ZSWIM5: variants seen among roughly 807,000 people sequenced by gnomAD.
ZSWIM5 encodes zinc finger SWIM domain-containing protein 5.
A neutral mutation model predicts 119.6 loss-of-function variants in ZSWIM5; 55 were observed. The observed-to-expected ratio is 0.46, with a 90% CI of 0.37 to 0.58. The LOEUF is 0.58. ZSWIM5 is among the 20% of genes least tolerant of loss of function. The probability of loss-of-function intolerance (pLI) is 0.00; values close to 1 mark genes in which losing one functional copy is unlikely to be tolerated. For missense variants in ZSWIM5, 1,193 were observed against 1,512.8 expected, an observed-to-expected ratio of 0.79 and a Z score of 3.51; for synonymous variants, 537 against 606.9, an observed-to-expected ratio of 0.88 and a Z score of 1.69.
chr1:45,109,907 C>G (rs909730408), intron 1 of ZSWIM5, among the ~76,000 whole-genome samples: 4 of 152,088 alleles, frequency 2.6e-5, no homozygotes, highest in Non-Finnish European at 4.4e-5. Flanking sequence ...CTGTGTTACA[C>G]AGGCTAGAGT....
intron 1 of ZSWIM5, among the ~76,000 whole-genome samples, chr1:45,198,931 C>G (rs1174530818): frequency 6.6e-6 from 1 of 152,138 alleles, no homozygotes; most frequent in Non-Finnish European, 1.5e-5. Flanking sequence ...CTTTTGAAAT[C>G]CCCTTATACA....
chr1:45,073,742 T>C (rs1645238793), intron 2 of ZSWIM5, among the ~76,000 whole-genome samples: 1 of 151,936 alleles, frequency 6.6e-6, no homozygotes, highest in African/African-American at 2.4e-5. Context: ...CTTCTTTGCT[T>C]GCTCTAGCTA....
At chr1:45,025,609 C>T (rs1245325635) in intron 11 of ZSWIM5, among the ~76,000 whole-genome samples, 1 of 151,984 alleles carries the variant, frequency 6.6e-6, no homozygotes, top group Non-Finnish European at 1.5e-5. Context: ...ATTTCAAATT[C>T]CAATTGTTCT....
intron 1 of ZSWIM5, among the ~76,000 whole-genome samples, chr1:45,123,831 A>G (rs1645606551): frequency 6.6e-6 from 1 of 152,212 alleles, no homozygotes; most frequent in Non-Finnish European, 1.5e-5. Flanking sequence ...TCTGAAAACT[A>G]AAGACAAGAA....
At chr1:45,159,820 C>G (rs1216882244) in intron 1 of ZSWIM5, among the ~76,000 whole-genome samples, 1 of 152,184 alleles carries the variant, frequency 6.6e-6, no homozygotes, top group Admixed American at 6.5e-5. Context: ...AACTCCTGAC[C>G]TCAAGTGATC....
At chr1:45,153,518 A>G (rs1342085462) in intron 1 of ZSWIM5, among the ~76,000 whole-genome samples, 1 of 151,638 alleles carries the variant, frequency 6.6e-6, no homozygotes, top group Non-Finnish European at 1.5e-5. Context: ...AAAAAAAAAA[A>G]AGAATTAAAA....
chr1:45,042,490 A>C (rs1329306994), intron 6 of ZSWIM5, among the ~76,000 whole-genome samples: 1 of 152,240 alleles, frequency 6.6e-6, no homozygotes, highest in Non-Finnish European at 1.5e-5. Context: ...TGCTTTCAAG[A>C]GAGAGAGGGG....
At chr1:45,038,213 A>C (rs1644996932) in intron 8 of ZSWIM5, among the ~76,000 whole-genome samples, 1 of 152,206 alleles carries the variant, frequency 6.6e-6, no homozygotes, top group Admixed American at 6.5e-5. Context: ...AATTGGTACA[A>C]AACCATCATG....
intron 1 of ZSWIM5, among the ~76,000 whole-genome samples, chr1:45,165,009 A>G (rs1645891666): frequency 6.6e-6 from 1 of 152,154 alleles, no homozygotes; most frequent in Admixed American, 6.6e-5. Flanking sequence ...TCAACAGAAT[A>G]TACATTCTTC....
At chr1:45,094,116 C>T (rs1052823612) in intron 1 of ZSWIM5, among the ~76,000 whole-genome samples, 19 of 150,930 alleles carry the variant, frequency 1.3e-4, no homozygotes, top group African/African-American at 3.2e-4. Flanking sequence ...AGTGCAGTGG[C>T]GCAATTTTGG....
chr1:45,138,505 CAAA>C (rs759005534), intron 1 of ZSWIM5, among the ~76,000 whole-genome samples: 1 of 54,912 alleles, frequency 1.8e-5, no homozygotes. Context: ...AACTCCATCT[CAAA>C]AAAAAAAAAA....
intron 2 of ZSWIM5, among the ~76,000 whole-genome samples, chr1:45,084,325 G>C (rs1645312099): frequency 6.6e-6 from 1 of 152,110 alleles, no homozygotes; most frequent in South Asian, 2.1e-4. Flanking sequence ...CTCCAACAGT[G>C]GGGATTACAA....
chr1:45,083,017 T>C (rs1345827181), intron 2 of ZSWIM5, among the ~76,000 whole-genome samples: 1 of 152,066 alleles, frequency 6.6e-6, no homozygotes, highest in African/African-American at 2.4e-5. Context: ...GAGCTATTCT[T>C]CTCTCTGGTG....
intron 1 of ZSWIM5, among the ~76,000 whole-genome samples, chr1:45,177,388 C>T (rs1645987797): frequency 6.6e-6 from 1 of 152,054 alleles, no homozygotes; most frequent in Non-Finnish European, 1.5e-5. Flanking sequence ...ACACCATATA[C>T]ACAGGGAATT....
chr1:45,044,067 G>A (rs12118189), intron 5 of ZSWIM5, among the ~76,000 whole-genome samples: 37,630 of 151,790 alleles, frequency 0.25, 5,013 homozygotes, highest in East Asian at 0.38. Flanking sequence ...GCACATGCCT[G>A]TAGTCCTAGC....
Position 45,176,940 on chromosome 1 carries a change from T to C in ZSWIM5, c.595+28816A>G, listed in dbSNP as rs546762621. On this transcript the variant is annotated intron_variant, in intron 1 of 13. Transcript: ENST00000359600. ...ACCCCATGCTAGGCCACTGCTCCAG[T>C]TGGGCTCCAATATACCCTTTCAGGC... is the stretch of plus-strand genomic sequence containing the variant. Among the ~76,000 whole-genome samples the C allele has an allele frequency of 2.2e-4, 34 of 152,250 alleles. No individual in the cohort carries two copies. In the South Asian group the frequency reaches 6.6e-3, roughly 30 times the overall value.
chr1:45,137,714 C>A (rs1645698148), intron 1 of ZSWIM5, among the ~76,000 whole-genome samples: 1 of 152,114 alleles, frequency 6.6e-6, no homozygotes, highest in Non-Finnish European at 1.5e-5. Context: ...ATGATTGGTG[C>A]AGGATGAGCT....
chr1:45,023,556 AAAT>A (rs1203201171), intron 11 of ZSWIM5, among the ~76,000 whole-genome samples: 2 of 149,340 alleles, frequency 1.3e-5, no homozygotes, highest in Non-Finnish European at 3.0e-5. Context: ...TTTTATTTAG[AAAT>A]AATAATCAAT....
rs573722274 is a variant in ZSWIM5 at position 45,024,662 on chromosome 1, A to T, written c.2450-3874T>A. On this transcript the variant is annotated intron_variant, in intron 11 of 13. Coordinates refer to ENST00000359600, the MANE Select transcript of ZSWIM5 (RefSeq NM_020883.2). ...CTAGAATTATTATTATTATTTATTT[A>T]TTTATTTTTTGAGACCAAGTCTCAC... Among the ~76,000 whole-genome samples, 631 of 149,656 alleles carry T rather than the reference A, an allele frequency of 4.2e-3. 6 individuals are homozygous for T. The highest frequency in any genetic ancestry group is 0.015 in the African/African-American group (603 of 40,650).
Sources: gnomAD v4.1 joint callset for allele counts (sites outside exome capture counted in the v4.1 genomes callset) on GRCh38, gnomAD v4.1.1 for gene constraint, MANE v1.5 for transcripts, NCBI Gene and HGNC (gene_info 2026-07-23, HGNC 2026-07-21) for gene names.